Variants in XKR4 observed in about 807,000 individuals in gnomAD.
XKR4 encodes XK-related protein 4.
XKR4 carries 12 observed loss-of-function variants against 53.9 expected under a neutral mutation model. The ratio of observed to expected loss-of-function variants is 0.22; its 90% CI spans 0.14 to 0.36. The LOEUF is 0.36. Among genes scored for constraint, XKR4 ranks in the 10% least tolerant of loss-of-function variants. The pLI, the probability that XKR4 is intolerant of heterozygous loss-of-function variation, is 1.00. For missense variants in XKR4, 799 were observed against 859.5 expected (o/e 0.93, Z 0.88); for synonymous variants, 354 against 362.4 (o/e 0.98, Z 0.26).
At position 55,438,590 on chromosome 8, in the gene XKR4, G is replaced by C. The variant is rs2658926; in HGVS notation, c.1006+80713G>C. Among the ~76,000 whole-genome samples the C allele has an allele frequency of 1.4e-3, 136 of 100,440 alleles. 1 individual carries two copies. Among genetic ancestry groups the C allele is most frequent in the South Asian group, 3.3e-3 (9 of 2,706 alleles). The allele number at this position is 100,440 out of a possible 152,430, so 65.9% of individuals were successfully genotyped here. A position where few individuals can be genotyped will look rare whatever the true frequency, so the allele number is the denominator to read the frequency against. On this transcript the variant is annotated intron_variant, in intron 2 of 2. Transcript: ENST00000327381. ...AGGTGACAGAGCAAGACTCCATCTT[G>C]AAAAAAAAAAAAAAAAAGAGAGAGA...
chr8:55,342,637 C>A (rs1466437269), intron 1 of XKR4, among the ~76,000 whole-genome samples: 1 of 152,108 alleles, frequency 6.6e-6, no homozygotes, highest in African/African-American at 2.4e-5. Context: ...ACCTCAACGC[C>A]TCCTGTTCAT....
intron 1 of XKR4, among the ~76,000 whole-genome samples, chr8:55,142,532 C>T (rs960555218): frequency 1.8e-4 from 27 of 152,204 alleles, no homozygotes; most frequent in Admixed American, 7.8e-4. Flanking sequence ...AATGCTTACT[C>T]AATTATATTT....
intron 2 of XKR4, among the ~76,000 whole-genome samples, chr8:55,514,404 G>A (rs544098354): frequency 2.0e-4 from 30 of 152,068 alleles, no homozygotes; most frequent in Non-Finnish European, 4.0e-4. Context: ...TTACAGGCAT[G>A]TGCCATCATG....
At chr8:55,129,528 A>C (rs954966733) in intron 1 of XKR4, among the ~76,000 whole-genome samples, 1 of 152,026 alleles carries the variant, frequency 6.6e-6, no homozygotes, top group Non-Finnish European at 1.5e-5. Flanking sequence ...TAATGGATTT[A>C]GTAACATGGA....
intron 2 of XKR4, among the ~76,000 whole-genome samples, chr8:55,438,571 C>A (rs1036724521): frequency 8.6e-6 from 1 of 115,662 alleles, no homozygotes; most frequent in Admixed American, 1.2e-4. Flanking sequence ...GCCTAGGTGA[C>A]AGAGCAAGAC....
At chr8:55,441,064 CAAAAAAA>C (rs10598855) in intron 2 of XKR4, among the ~76,000 whole-genome samples, 3 of 119,064 alleles carry the variant, frequency 2.5e-5, no homozygotes, top group Non-Finnish European at 5.5e-5. Context: ...CTCATCTCTA[CAAAAAAA>C]AAAAAAAAAA....
At position 55,541,247 on chromosome 8, in the gene XKR4, A is replaced by ACC. The variant is rs2129407824; in HGVS notation, c.*17021_*17022dup. The ACC allele has an allele frequency of 6.6e-6, 1 of 152,176 alleles. No homozygotes were observed. The highest frequency in any genetic ancestry group is 2.1e-4 in the South Asian group (1 of 4,808). The allele number at this position is 152,176 out of a possible 1,614,324, so 9.4% of individuals were successfully genotyped here. A position where few individuals can be genotyped will look rare whatever the true frequency, so the allele number is the denominator to read the frequency against. On this transcript the variant is annotated 3_prime_UTR_variant, in exon 3 of 3. Transcript: ENST00000327381. ...ATTTGTACATGATATACACCACCCA[A>ACC]CCTCAGGAGGTTGTACTTAATTTTG... is the stretch of plus-strand genomic sequence containing the variant.
intron 2 of XKR4, among the ~76,000 whole-genome samples, chr8:55,362,258 T>A (rs1803918115): frequency 6.6e-6 from 1 of 152,132 alleles, no homozygotes; most frequent in African/African-American, 2.4e-5. Flanking sequence ...GGTGAAGAAT[T>A]TGAGGCATGT....
intron 1 of XKR4, among the ~76,000 whole-genome samples, chr8:55,174,205 CT>C (rs200497399): frequency 1.3e-5 from 2 of 151,196 alleles, no homozygotes; most frequent in South Asian, 2.1e-4. Context: ...TCATGGCAGA[CT>C]TTTTTTTTAA....
At chr8:55,186,466 T>A (rs967039587) in intron 1 of XKR4, among the ~76,000 whole-genome samples, 2 of 151,868 alleles carry the variant, frequency 1.3e-5, no homozygotes, top group South Asian at 2.1e-4. Flanking sequence ...CCATCCTGGC[T>A]AACATGGTGA....
intron 1 of XKR4, among the ~76,000 whole-genome samples, chr8:55,334,694 T>G (rs1803433329): frequency 6.6e-6 from 1 of 152,172 alleles, no homozygotes; most frequent in Non-Finnish European, 1.5e-5. Flanking sequence ...ACTGATGACC[T>G]GATGGCCTGA....
At chr8:55,411,393 T>A (rs1354709313) in intron 2 of XKR4, among the ~76,000 whole-genome samples, 2 of 152,356 alleles carry the variant, frequency 1.3e-5, no homozygotes, top group East Asian at 3.9e-4. Context: ...GAGCGTGAGC[T>A]TTGATTTTTA....
At chr8:55,462,167 A>G (rs1585587478) in intron 2 of XKR4, among the ~76,000 whole-genome samples, 1 of 152,206 alleles carries the variant, frequency 6.6e-6, no homozygotes, top group Non-Finnish European at 1.5e-5. Context: ...CAAGACACAT[A>G]ATTGTCAGAT....
chr8:55,207,991 A>C (rs940068676), intron 1 of XKR4, among the ~76,000 whole-genome samples: 7 of 152,220 alleles, frequency 4.6e-5, no homozygotes, highest in African/African-American at 1.4e-4. Flanking sequence ...TTTTAGCAGA[A>C]TGATAGTAGC....
At chr8:55,455,137 C>CT (rs1805545278) in intron 2 of XKR4, 1 of 611,946 alleles carries the variant, frequency 1.6e-6, no homozygotes, top group Non-Finnish European at 3.0e-6. Flanking sequence ...TGATCCGCGC[C>CT]ATGGGGAGGG....
chr8:55,176,119 T>G (rs1817231371), intron 1 of XKR4, among the ~76,000 whole-genome samples: 1 of 152,238 alleles, frequency 6.6e-6, no homozygotes, highest in Admixed American at 6.5e-5. Flanking sequence ...GCAGGTGACC[T>G]GTGACAAAGT....
At chr8:55,375,549 C>T (rs1055424258) in intron 2 of XKR4, among the ~76,000 whole-genome samples, 9 of 152,158 alleles carry the variant, frequency 5.9e-5, no homozygotes, top group Non-Finnish European at 1.3e-4. Context: ...GGCTCCTGTC[C>T]TCTCACCCAG....
At chr8:55,422,125 A>G (rs951441126) in intron 2 of XKR4, among the ~76,000 whole-genome samples, 1 of 152,258 alleles carries the variant, frequency 6.6e-6, no homozygotes, top group African/African-American at 2.4e-5. Context: ...ATAAAATTAC[A>G]TAACATTGGG....
chr8:55,208,786 A>G lies in XKR4; in HGVS notation c.806+105492A>G, dbSNP rs57822420. Among the ~76,000 whole-genome samples, 706 of 152,210 alleles carry G rather than the reference A, an allele frequency of 4.6e-3. 8 individuals carry two copies. Among genetic ancestry groups the G allele is most frequent in the African/African-American group, 0.016 (647 of 41,546 alleles). ...AGCCTAGTTTGTTTTCTTTTGTGAG[A>G]GAAACCTTAAAACCCTACCGTGTGG... On this transcript the variant is annotated intron_variant, in intron 1 of 2. Transcript: ENST00000327381.
Sources: allele counts gnomAD v4.1 joint callset (sites outside exome capture counted in the v4.1 genomes callset), GRCh38; gene constraint gnomAD v4.1.1; transcripts MANE v1.5; gene names NCBI Gene and HGNC (gene_info 2026-07-23, HGNC 2026-07-21).